The following LAMA2 variants were observed in gnomAD, a reference collection of about 807,000 sequenced individuals.
LAMA2 encodes the protein laminin subunit alpha 2.
LAMA2 carries 269 observed loss-of-function variants against 364.8 expected under a neutral mutation model. The observed-to-expected ratio is 0.74, with a 90% confidence interval of 0.67 to 0.82. The LOEUF (loss-of-function observed/expected upper bound fraction) is 0.82, where lower values mean the gene tolerates loss of function less well. Among genes scored for constraint, LAMA2 ranks in the 40% least tolerant of loss-of-function variants. The pLI is 0.00. For missense variants in LAMA2, 3,807 were observed against 3,873.2 expected (o/e 0.98, Z 0.45); for synonymous variants, 1,379 against 1,370.6 (o/e 1.01, Z -0.14).
At chr6:129,320,169 A>AG (rs1442747533) in intron 27 of LAMA2, among the ~76,000 whole-genome samples, 2 of 151,914 alleles carry the variant, frequency 1.3e-5, no homozygotes, top group African/African-American at 4.8e-5. Flanking sequence ...AAAGAAAAAA[A>AG]AAAAGAAAAG....
intron 12 of LAMA2, among the ~76,000 whole-genome samples, chr6:129,199,989 G>A (rs1047755760): frequency 4.6e-5 from 7 of 151,776 alleles, no homozygotes; most frequent in Non-Finnish European, 7.4e-5. Flanking sequence ...TGATGCAAGA[G>A]AATTGCTTGG....
At chr6:129,076,598 C>A (rs1773673336) in intron 3 of LAMA2, among the ~76,000 whole-genome samples, 1 of 149,178 alleles carries the variant, frequency 6.7e-6, no homozygotes, top group African/African-American at 2.5e-5. Flanking sequence ...CCTAGCAATA[C>A]CTACTGGTGT....
At chr6:129,470,417 A>G (rs1783754522) in intron 51 of LAMA2, among the ~76,000 whole-genome samples, 1 of 151,980 alleles carries the variant, frequency 6.6e-6, no homozygotes, top group Non-Finnish European at 1.5e-5. Context: ...TCATCAATAC[A>G]TTGTAAGTAG....
intron 12 of LAMA2, among the ~76,000 whole-genome samples, chr6:129,221,682 A>C (rs1783865318): frequency 2.8e-5 from 4 of 144,646 alleles, no homozygotes; most frequent in Admixed American, 6.6e-5. Flanking sequence ...ACCACTTGAC[A>C]TTATCTTTTA....
intron 49 of LAMA2, among the ~76,000 whole-genome samples, chr6:129,461,918 C>A (rs1783273066): frequency 6.6e-6 from 1 of 151,880 alleles, no homozygotes; most frequent in South Asian, 2.1e-4. Context: ...AAATATCAGG[C>A]ATAATAAAAG....
chr6:129,270,677 C>T lies in LAMA2; in HGVS notation c.2376C>T (p.Phe792=), dbSNP rs150046431. 2 of 1,613,050 alleles carry T rather than the reference C, an allele frequency of 1.2e-6. No individual in the cohort carries two copies. Among genetic ancestry groups the T allele is most frequent in the Non-Finnish European group, 1.7e-6 (2 of 1,179,436 alleles). Residue 792 remains phenylalanine, a synonymous_variant, in exon 17 of 65, where the codon TTC becomes TTT. Coordinates refer to ENST00000421865, the MANE Select transcript of LAMA2 (RefSeq NM_000426.4). ...ATTGTGATAAATGTCTTCCTGGTTT[C>T]TATGGCGAGCCTACTAAAGGAACCT... ...GPYCDKCLPG[F]YGEPTKGTSE...
chr6:129,402,604 CT>C (rs1780044830), intron 39 of LAMA2, 117 bp downstream of exon 39: 12 of 1,038,470 alleles, frequency 1.2e-5, no homozygotes, highest in Middle Eastern at 2.1e-4. Flanking sequence ...TATGAACACA[CT>C]AGCTATATGG....
chr6:128,886,441 AG>A lies in LAMA2; in HGVS notation c.112+3086del, dbSNP rs576189871. On this transcript the variant is annotated intron_variant, in intron 1 of 64. Coordinates refer to ENST00000421865, the MANE Select transcript of LAMA2 (RefSeq NM_000426.4). Reference sequence around the variant, plus strand: ...ATATAGTGTAATATGGTGACAAAAAAGGTTGGCTCACTTTTACACAAAACTC... The same window carrying A: ...ATATAGTGTAATATGGTGACAAAAAAGTTGGCTCACTTTTACACAAAACTC... 1.6e-3 allele frequency among the ~76,000 whole-genome samples: 240 copies of A among 152,298 alleles called. 6 individuals carry two copies. In the South Asian group the frequency reaches 0.048, roughly 30 times the overall value.
At chr6:129,093,827 T>C (rs1774999138) in intron 3 of LAMA2, among the ~76,000 whole-genome samples, 1 of 152,182 alleles carries the variant, frequency 6.6e-6, no homozygotes, top group Admixed American at 6.5e-5. Flanking sequence ...AGACACCAAG[T>C]TTGTAACAAG....
intron 61 of LAMA2, among the ~76,000 whole-genome samples, chr6:129,506,258 CA>C (rs1307082834): frequency 6.6e-6 from 1 of 151,892 alleles, no homozygotes; most frequent in Admixed American, 6.6e-5. Flanking sequence ...GAGGCTGAGG[CA>C]AGAGAATCAC....
chr6:129,314,398 C>CAAAAAAAAAAAAAAAAAAAAAA (rs3062342), intron 23 of LAMA2, among the ~76,000 whole-genome samples: 9 of 81,864 alleles, frequency 1.1e-4, no homozygotes, highest in East Asian at 3.8e-4. Flanking sequence ...GACTCCGTCT[C>CAAAAAAAAAAAAAAAAAAAAAA]AAAAAAAAAA....
At chr6:129,244,127 T>G (rs1441594526) in intron 12 of LAMA2, among the ~76,000 whole-genome samples, 1 of 152,132 alleles carries the variant, frequency 6.6e-6, no homozygotes, top group African/African-American at 2.4e-5. Flanking sequence ...TCATTTTCTA[T>G]GCATTAAGGA....
intron 12 of LAMA2, among the ~76,000 whole-genome samples, chr6:129,200,334 A>G (rs1782174408): frequency 8.1e-6 from 1 of 123,064 alleles, no homozygotes; most frequent in African/African-American, 3.8e-5. Flanking sequence ...ACATATACAT[A>G]TACACGTATA....
At chr6:129,264,482 G>A (rs1787361060) in intron 15 of LAMA2, among the ~76,000 whole-genome samples, 1 of 151,978 alleles carries the variant, frequency 6.6e-6, no homozygotes, top group Non-Finnish European at 1.5e-5. Context: ...ATAATATTCA[G>A]GTCTTAAATT....
chr6:129,279,331 G>A (rs1788544713), intron 17 of LAMA2, among the ~76,000 whole-genome samples: 1 of 152,182 alleles, frequency 6.6e-6, no homozygotes, highest in African/African-American at 2.4e-5. Flanking sequence ...GCTAAAGCTA[G>A]CACCTGAGTT....
intron 4 of LAMA2, among the ~76,000 whole-genome samples, chr6:129,141,820 C>T (rs1447366068): frequency 6.6e-6 from 1 of 152,002 alleles, no homozygotes; most frequent in Non-Finnish European, 1.5e-5. Context: ...ACAGAACTCC[C>T]ACTTCCTGCA....
At chr6:129,439,671 C>T (rs1252204492) in intron 42 of LAMA2, among the ~76,000 whole-genome samples, 1 of 151,858 alleles carries the variant, frequency 6.6e-6, no homozygotes, top group Non-Finnish European at 1.5e-5. Context: ...TTTAAAGATA[C>T]TACTTTTACT....
At chr6:129,352,762 T>C (rs943536694) in intron 31 of LAMA2, among the ~76,000 whole-genome samples, 1 of 152,150 alleles carries the variant, frequency 6.6e-6, no homozygotes, top group Non-Finnish European at 1.5e-5. Flanking sequence ...TAAGAACTGT[T>C]GTTACAGGTC....
At chr6:129,302,605 C>G (rs1773616707) in intron 22 of LAMA2, among the ~76,000 whole-genome samples, 1 of 152,020 alleles carries the variant, frequency 6.6e-6, no homozygotes, top group Non-Finnish European at 1.5e-5. Flanking sequence ...AGTTTTAGCT[C>G]TTAAATGTAG....
Sources: gnomAD v4.1 joint callset for allele counts (sites outside exome capture counted in the v4.1 genomes callset) on GRCh38, gnomAD v4.1.1 for gene constraint, MANE v1.5 for transcripts, NCBI Gene and HGNC (gene_info 2026-07-23, HGNC 2026-07-21) for gene names.